The following URB2 variants were observed in gnomAD, a reference collection of about 807,000 sequenced individuals.
URB2 encodes the protein URB2 ribosome biogenesis homolog.
A neutral mutation model predicts 120.9 loss-of-function variants in URB2; 86 were observed. The ratio of observed to expected loss-of-function variants is 0.71; its 90% CI spans 0.60 to 0.85. The LOEUF is 0.85. Among genes scored for constraint, URB2 ranks in the 40% least tolerant of loss-of-function variants. The probability of loss-of-function intolerance (pLI) is 0.00; values close to 1 mark genes in which losing one functional copy is unlikely to be tolerated. For synonymous variants in URB2, 755 were observed against 758.4 expected, an observed-to-expected ratio of 1.00 and a Z score of 0.07; for missense variants, 1,765 against 1,836.5, an observed-to-expected ratio of 0.96 and a Z score of 0.71.
chr1:229,651,249 C>T lies in URB2; in HGVS notation c.4164C>T (p.Ala1388=). 3 of 1,609,612 alleles carry T rather than the reference C, an allele frequency of 1.9e-6. No homozygotes were observed. Among genetic ancestry groups the T allele is most frequent in the South Asian group, 2.2e-5 (2 of 89,996 alleles). The change falls in exon 8 of 10, where the codon GCC becomes GCT. Residue 1388 remains alanine (A), a synonymous_variant. Transcript: ENST00000258243. ...LQCHPKVMLK[A]IPSFLNSFNR... ...TGTCATTACAGGTAATGCTGAAAGC[C>T]ATCCCTTCTTTCTTGAACTCTTTCA...
At chr1:229,633,156 A>C (rs1665713140) in intron 3 of URB2, among the ~76,000 whole-genome samples, 1 of 152,162 alleles carries the variant, frequency 6.6e-6, no homozygotes, top group Non-Finnish European at 1.5e-5. Context: ...CACCCTCATG[A>C]GTGTGCGGGC....
intron 2 of URB2, among the ~76,000 whole-genome samples, chr1:229,628,241 T>A (rs536289370): frequency 1.4e-5 from 2 of 145,048 alleles, no homozygotes; most frequent in South Asian, 2.1e-4. Flanking sequence ...GTATATATAT[T>A]ATACATATAC....
intron 9 of URB2, among the ~76,000 whole-genome samples, chr1:229,657,035 C>T (rs1306373033): frequency 1.3e-5 from 2 of 152,156 alleles, no homozygotes; most frequent in Non-Finnish European, 2.9e-5. Context: ...CTTAATGATG[C>T]AGTTATATCT....
chr1:229,628,627 C>T (rs3767331), intron 2 of URB2, among the ~76,000 whole-genome samples: 19,806 of 151,976 alleles, frequency 0.13, 1,961 homozygotes, highest in East Asian at 0.42. Context: ...AAAAGTCTTC[C>T]GCATTGGATA....
Position 229,654,292 on chromosome 1 carries a change from G to C in URB2, c.4281G>C (p.Leu1427=), listed in dbSNP as rs1666351249. The change falls in exon 9 of 10, where the codon CTG becomes CTC. Residue 1427 remains leucine (L), a synonymous_variant. Transcript: ENST00000258243. ...DLPTVLKCAR[L]VERMYSHIAA... ...CTACGGTCCTAAAGTGTGCACGCCT[G>C]GTTGAAAGAATGTACAGCCACATCG... 5.0e-6 allele frequency: 8 copies of C among 1,614,186 alleles called. No homozygotes were observed. The highest frequency in any genetic ancestry group is 6.8e-6 in the Non-Finnish European group (8 of 1,180,036).
intron 7 of URB2, among the ~76,000 whole-genome samples, chr1:229,649,123 T>G (rs1666214463): frequency 6.6e-6 from 1 of 152,130 alleles, no homozygotes; most frequent in Non-Finnish European, 1.5e-5. Flanking sequence ...AGAGTATTGT[T>G]TTGTAGTGCA....
chr1:229,659,291 G>T lies in URB2; in HGVS notation c.4569G>T (p.Thr1523=). The T allele has an allele frequency of 1.9e-6, 3 of 1,613,774 alleles. No individual in the cohort carries two copies. Among genetic ancestry groups the T allele is most frequent in the Non-Finnish European group, 2.5e-6 (3 of 1,179,986 alleles). Residue 1523 remains threonine (T), a synonymous_variant, in exon 10 of 10, where the codon ACG becomes ACT. Coordinates refer to ENST00000258243, the MANE Select transcript of URB2 (RefSeq NM_014777.4). ...KAKHEGEKRY[T]A ...AACATGAAGGAGAGAAAAGATATAC[G>T]GCCTAAGGCTATGGGACAGAAGTGC...
intron 4 of URB2, among the ~76,000 whole-genome samples, chr1:229,642,304 C>T (rs1306460612): frequency 2.0e-5 from 3 of 151,952 alleles, no homozygotes; most frequent in East Asian, 1.9e-4. Flanking sequence ...TTTTTGTTTG[C>T]CAGCCACAGG....
Position 229,638,159 on chromosome 1 carries a change from G to C in URB2, c.3546G>C (p.Leu1182Phe). 1 of 1,614,176 alleles carries C rather than the reference G, an allele frequency of 6.2e-7. No homozygotes were observed. Among genetic ancestry groups the C allele is most frequent in the Non-Finnish European group, 8.5e-7 (1 of 1,180,036 alleles). The change falls in exon 4 of 10, where the codon TTG becomes TTC. Residue 1182 changes from leucine to phenylalanine, a missense_variant. Physicochemically the swap from Leu to Phe is conservative, Grantham distance 22 (BLOSUM62 0). Transcript: ENST00000258243. ...DQSFQAALQF[L>F]TLFFLAPELH... The stretch of plus-strand genomic sequence containing the variant: ...CTTTTCAGGCAGCCTTGCAGTTTTT[G>C]ACTCTGTTCTTTTTGGCCCCAGAAC...
intron 8 of URB2, among the ~76,000 whole-genome samples, chr1:229,653,397 A>G (rs560178475): frequency 7.5e-4 from 114 of 152,334 alleles, no homozygotes; most frequent in Non-Finnish European, 1.5e-3. Flanking sequence ...AAAATATAGA[A>G]TATTTTCCAT....
chr1:229,658,780 T>G (rs1250955708), intron 9 of URB2, among the ~76,000 whole-genome samples: 3 of 152,176 alleles, frequency 2.0e-5, no homozygotes. Context: ...GACTCCAGTT[T>G]TTTAAAATGC....
In URB2 at chr1:229,647,537, CAG is replaced by C; in HGVS notation, c.3935_3936del (p.Gln1312ProfsTer71). The C allele has an allele frequency of 6.2e-7, 1 of 1,614,022 alleles. No homozygotes were observed. Among genetic ancestry groups the C allele is most frequent in the Non-Finnish European group, 8.5e-7 (1 of 1,179,896 alleles). On this transcript the variant is annotated frameshift_variant, in exon 7 of 10. Transcript: ENST00000258243. LOFTEE classifies it high-confidence loss of function. Reference sequence around the variant, plus strand: ...CTTAAACCGAGAAGCTTCTCAGGAGCAGCCTGTGTCCCTCACAGTGGTCGGGC... The same window carrying C: ...CTTAAACCGAGAAGCTTCTCAGGAGCCCTGTGTCCCTCACAGTGGTCGGGC... ...TLLNREASQE[Q>X]PVSLTVVGPV...
chr1:229,658,780 T>C (rs1250955708), intron 9 of URB2, among the ~76,000 whole-genome samples: 1 of 152,176 alleles, frequency 6.6e-6, no homozygotes, highest in Non-Finnish European at 1.5e-5. Context: ...GACTCCAGTT[T>C]TTTAAAATGC....
At chr1:229,642,206 C>T (rs564038922) in intron 4 of URB2, among the ~76,000 whole-genome samples, 1 of 152,220 alleles carries the variant, frequency 6.6e-6, no homozygotes, top group East Asian at 1.9e-4. Context: ...ATACAGGCCA[C>T]GTGTGAGTGG....
chr1:229,632,632 G>A (rs945919473), intron 3 of URB2, among the ~76,000 whole-genome samples, 187 bp downstream of exon 3: 4 of 152,172 alleles, frequency 2.6e-5, no homozygotes, highest in Admixed American at 1.3e-4. Context: ...TAAGCATTTT[G>A]TTATTTAATA....
intron 2 of URB2, among the ~76,000 whole-genome samples, chr1:229,631,460 A>G (rs552252180): frequency 4.7e-4 from 71 of 152,290 alleles, no homozygotes; most frequent in South Asian, 2.9e-3. Context: ...GTTTTGGTCT[A>G]TCTCACCTTT....
chr1:229,640,892 A>G (rs768629196), intron 4 of URB2, among the ~76,000 whole-genome samples: 1 of 152,150 alleles, frequency 6.6e-6, no homozygotes, highest in Non-Finnish European at 1.5e-5. Flanking sequence ...ACAGTGTTCT[A>G]AGTGACTGGC....
At position 229,636,723 on chromosome 1, in the gene URB2, G is replaced by A. The variant is rs761604564; in HGVS notation, c.2110G>A (p.Ala704Thr). The change falls in exon 4 of 10, where the codon GCT (alanine) becomes ACT (threonine). Residue 704 changes from alanine to threonine, a missense_variant. By Grantham distance (58) the Ala-to-Thr change is moderately conservative. Coordinates refer to ENST00000258243, the MANE Select transcript of URB2 (RefSeq NM_014777.4). ...EGAIQSLRCD[A>T]AFIIGSGRKS... Reference sequence around the variant, plus strand: ...AGCCATCCAAAGTTTGAGGTGCGATGCTGCCTTTATTATTGGTTCCGGCAG... The same window carrying A: ...AGCCATCCAAAGTTTGAGGTGCGATACTGCCTTTATTATTGGTTCCGGCAG... The A allele has an allele frequency of 3.1e-5, 50 of 1,613,336 alleles. No homozygotes were observed. The East Asian group carries it at 1.1e-3, about 35-fold the overall frequency.
At chr1:229,652,656 C>T (rs1666309150) in intron 8 of URB2, among the ~76,000 whole-genome samples, 1 of 152,258 alleles carries the variant, frequency 6.6e-6, no homozygotes, top group South Asian at 2.1e-4. Flanking sequence ...ATGCCAGCCT[C>T]AGCAAGTTGG....
Sources: gnomAD v4.1 joint callset for allele counts (sites outside exome capture counted in the v4.1 genomes callset) on GRCh38, gnomAD v4.1.1 for gene constraint, MANE v1.5 for transcripts, NCBI Gene and HGNC (gene_info 2026-07-23, HGNC 2026-07-21) for gene names.